The following PTPRD variants were observed in gnomAD, a reference collection of about 807,000 sequenced individuals.
PTPRD encodes the protein receptor-type tyrosine-protein phosphatase delta.
In PTPRD, 34 loss-of-function variants were observed where a neutral mutation model predicts 214.5. The observed-to-expected ratio is 0.16, with a 90% CI of 0.12 to 0.21. The LOEUF (loss-of-function observed/expected upper bound fraction) is 0.21, where lower values mean the gene tolerates loss of function less well. PTPRD is among the 10% of genes least tolerant of loss of function. The pLI, the probability that PTPRD is intolerant of heterozygous loss-of-function variation, is 1.00. For synonymous variants in PTPRD, 1,128 were observed against 845.7 expected, an observed-to-expected ratio of 1.33 and a Z score of -5.79; for missense variants, 2,545 against 2,398.7, an observed-to-expected ratio of 1.06 and a Z score of -1.27.
rs558494227 is a variant in PTPRD, at chr9:9,345,919, T to G, written c.-203+51530A>C. Among the ~76,000 whole-genome samples, 264 of 152,310 alleles carry G rather than the reference T, an allele frequency of 1.7e-3. 1 individual carries two copies. The highest frequency in any genetic ancestry group is 6.1e-3 in the African/African-American group (253 of 41,568). ...CTATTATTTCTCTAAATAGTGGCTC[T>G]TTGATATTTCAATGTACTTCTTTAT... On this transcript the variant is annotated intron_variant, in intron 9 of 45. Coordinates refer to ENST00000381196, the MANE Select transcript of PTPRD (RefSeq NM_002839.4).
intron 2 of PTPRD, among the ~76,000 whole-genome samples, chr9:10,365,578 A>C (rs1029936973): frequency 6.6e-6 from 1 of 152,088 alleles, no homozygotes; most frequent in Non-Finnish European, 1.5e-5. Context: ...TCGTACTTTA[A>C]ATGTATTTTC....
intron 14 of PTPRD, among the ~76,000 whole-genome samples, chr9:8,570,359 G>T (rs2090752858): frequency 6.6e-6 from 1 of 152,086 alleles, no homozygotes; most frequent in Non-Finnish European, 1.5e-5. Flanking sequence ...ACCACCTACT[G>T]TTAAAGGTTA....
At chr9:8,900,871 A>G (rs1315957854) in intron 11 of PTPRD, among the ~76,000 whole-genome samples, 2 of 152,216 alleles carry the variant, frequency 1.3e-5, no homozygotes, top group African/African-American at 4.8e-5. Context: ...TTGATATAAT[A>G]TTTTTGGCTT....
At chr9:9,126,745 C>T (rs2099834506) in intron 10 of PTPRD, among the ~76,000 whole-genome samples, 1 of 152,218 alleles carries the variant, frequency 6.6e-6, no homozygotes, top group African/African-American at 2.4e-5. Context: ...TATTGTCTCA[C>T]AGCTCAAAGA....
At chr9:10,203,498 G>A (rs1233688734) in intron 3 of PTPRD, among the ~76,000 whole-genome samples, 4 of 151,886 alleles carry the variant, frequency 2.6e-5, no homozygotes, top group African/African-American at 9.7e-5. Flanking sequence ...GAATGTTGAG[G>A]GTAAGGCATC....
intron 8 of PTPRD, among the ~76,000 whole-genome samples, chr9:9,510,114 T>C (rs2096664819): frequency 6.6e-6 from 1 of 151,746 alleles, no homozygotes; most frequent in South Asian, 2.1e-4. Flanking sequence ...CCCTACTTCC[T>C]ACTGGGAACT....
At chr9:9,845,904 A>G (rs1372420970) in intron 5 of PTPRD, among the ~76,000 whole-genome samples, 1 of 152,074 alleles carries the variant, frequency 6.6e-6, no homozygotes, top group Non-Finnish European at 1.5e-5. Context: ...GAAGTTAATG[A>G]CATACACCTG....
chr9:9,928,652 T>C (rs10978093), intron 5 of PTPRD, among the ~76,000 whole-genome samples: 25,327 of 151,966 alleles, frequency 0.17, 5,493 homozygotes, highest in African/African-American at 0.5. Flanking sequence ...CTGAATATTT[T>C]ATTTGTAAAC....
intron 11 of PTPRD, among the ~76,000 whole-genome samples, chr9:8,793,303 G>A (rs1380296707): frequency 6.6e-6 from 1 of 152,162 alleles, no homozygotes; most frequent in Admixed American, 6.5e-5. Flanking sequence ...CAGTCCAACG[G>A]TGGAACTCAA....
intron 3 of PTPRD, among the ~76,000 whole-genome samples, chr9:10,244,101 C>T (rs943985645): frequency 2.0e-5 from 2 of 100,906 alleles, no homozygotes; most frequent in Non-Finnish European, 5.1e-5. Context: ...TACTACTAAT[C>T]ACTTTTTTTT....
chr9:8,974,695 G>A (rs528436174), intron 11 of PTPRD, among the ~76,000 whole-genome samples: 12 of 151,938 alleles, frequency 7.9e-5, no homozygotes, highest in African/African-American at 2.4e-4. Flanking sequence ...ATCTATAACC[G>A]ACTTTAGAAT....
intron 5 of PTPRD, chr9:9,803,742 C>T (rs2099056123): frequency 6.6e-6 from 1 of 151,718 alleles, no homozygotes; most frequent in African/African-American, 2.4e-5. Context: ...TCCTGTAAAA[C>T]TAATACATGT....
At chr9:8,691,194 T>G (rs1035723490) in intron 12 of PTPRD, among the ~76,000 whole-genome samples, 3 of 152,158 alleles carry the variant, frequency 2.0e-5, no homozygotes, top group Non-Finnish European at 4.4e-5. Flanking sequence ...ACTAACTCAT[T>G]TGATTCGAGA....
chr9:8,962,651 A>G (rs2099165210), intron 11 of PTPRD: 1 of 152,136 alleles, frequency 6.6e-6, no homozygotes, highest in Non-Finnish European at 1.5e-5. Context: ...TTTCTTTGAT[A>G]TCTGAATGTG....
chr9:10,612,058 T>G (rs575112118), intron 2 of PTPRD, among the ~76,000 whole-genome samples: 1 of 151,932 alleles, frequency 6.6e-6, no homozygotes, highest in Non-Finnish European at 1.5e-5. Context: ...TTTTCAAGCT[T>G]TTTCTAGATA....
intron 9 of PTPRD, among the ~76,000 whole-genome samples, chr9:9,376,733 C>G (rs1050064671): frequency 6.6e-6 from 1 of 151,838 alleles, no homozygotes. Flanking sequence ...GAAATAGAAC[C>G]CCTCGGGTCT....
At chr9:8,449,963 C>T (rs2095871739) in intron 33 of PTPRD, 126 bp from the exon 34 acceptor site, 1 of 894,254 alleles carries the variant, frequency 1.1e-6, no homozygotes, top group Non-Finnish European at 1.7e-6. Flanking sequence ...TTCAACCCAG[C>T]TGACTTGTGA....
chr9:8,443,013 C>T (rs1339530737), intron 34 of PTPRD, among the ~76,000 whole-genome samples: 1 of 152,166 alleles, frequency 6.6e-6, no homozygotes, highest in East Asian at 1.9e-4. Flanking sequence ...GGCATTGTGG[C>T]ACATGCCTGT....
At chr9:8,716,755 A>G (rs1030573756) in intron 12 of PTPRD, among the ~76,000 whole-genome samples, 1 of 152,178 alleles carries the variant, frequency 6.6e-6, no homozygotes, top group African/African-American at 2.4e-5. Flanking sequence ...GATACAACAC[A>G]AACTTTCGAA....
Sources: allele counts gnomAD v4.1 joint callset (sites outside exome capture counted in the v4.1 genomes callset), GRCh38; gene constraint gnomAD v4.1.1; transcripts MANE v1.5; gene names NCBI Gene and HGNC (gene_info 2026-07-23, HGNC 2026-07-21).